Variants in RPS19 observed in about 807,000 individuals in gnomAD.
The protein encoded by RPS19 is small ribosomal subunit protein eS19.
RPS19 carries 1 observed loss-of-function variant against 20.3 expected under a neutral mutation model. That is an observed-to-expected ratio of 0.05 (90% CI 0.02 to 0.23). RPS19 has a LOEUF of 0.23. RPS19 is among the 10% of genes least tolerant of loss of function. RPS19 has a pLI of 1.00. For synonymous variants in RPS19, 87 were observed against 74.8 expected (o/e 1.16, Z -0.84); for missense variants, 111 against 192.7 (o/e 0.58, Z 2.51).
chr19:41,872,598 AAG>A lies in RPS19; in HGVS notation c.*1224_*1225del, dbSNP rs1182615994. The A allele has an allele frequency of 5.3e-5, 8 of 152,268 alleles. No homozygotes were observed. The highest frequency in any genetic ancestry group is 1.9e-4 in the African/African-American group (8 of 41,450). The allele number at this position is 152,268 out of a possible 1,614,324, so 9.4% of individuals were successfully genotyped here. A position where few individuals can be genotyped will look rare whatever the true frequency, so the allele number is the denominator to read the frequency against. The stretch of plus-strand genomic sequence containing the variant: ...TTGGCAGTCCCCAAACGTAAGGCGT[AAG>A]AGTTTAAGAAGTATCGGCCAGGCAC... On this transcript the variant is annotated 3_prime_UTR_variant, in exon 6 of 6. Coordinates refer to ENST00000598742, the MANE Select transcript of RPS19 (RefSeq NM_001022.4).
At chr19:41,865,718 G>A (rs1415992565) in intron 3 of RPS19, among the ~76,000 whole-genome samples, 1 of 151,984 alleles carries the variant, frequency 6.6e-6, no homozygotes, top group African/African-American at 2.4e-5. Flanking sequence ...GGAGGCCGAG[G>A]CGGGCGGATC....
chr19:41,862,123 G>A (rs1467089511), intron 3 of RPS19, among the ~76,000 whole-genome samples: 1 of 152,194 alleles, frequency 6.6e-6, no homozygotes, highest in Non-Finnish European at 1.5e-5. Context: ...CTCCAGATAA[G>A]AAGTAGGTGG....
At position 41,871,626 on chromosome 19, in the gene RPS19, C is replaced by CG; in HGVS notation, c.*250dup. On this transcript the variant is annotated 3_prime_UTR_variant, in exon 6 of 6. Transcript: ENST00000598742. ...GTTCTTCAGGGGCATGAGGAAGAGG[C>CG]GCTTCCTCCCTTCCCTTGGGTGAGG... 1 of 501,102 alleles carries CG rather than the reference C, an allele frequency of 2.0e-6. No individual in the cohort carries two copies. The highest frequency in any genetic ancestry group is 2.1e-5 in the South Asian group (1 of 47,196). 31.0% of individuals were successfully genotyped at this position (501,102 alleles called of 1,614,324 possible).
At chr19:41,866,354 G>A (rs1555840514) in intron 3 of RPS19, among the ~76,000 whole-genome samples, 2 of 152,244 alleles carry the variant, frequency 1.3e-5, no homozygotes, top group Admixed American at 1.3e-4. Flanking sequence ...CAGAGCCCCA[G>A]GGCACAACCA....
chr19:41,863,892 G>C (rs1432955682), intron 3 of RPS19: 1 of 149,842 alleles, frequency 6.7e-6, no homozygotes, highest in Non-Finnish European at 1.5e-5. Context: ...CACCAGGCTG[G>C]AGTACACTGG....
chr19:41,861,241 G>A (rs782106116), intron 3 of RPS19, 29 bp downstream of exon 3: 3 of 1,546,790 alleles, frequency 1.9e-6, no homozygotes, highest in Non-Finnish European at 1.8e-6. Flanking sequence ...TGGCTGGAGA[G>A]TGGGGAGCTG....
chr19:41,870,373 C>T (rs1272745703), intron 5 of RPS19, among the ~76,000 whole-genome samples: 5 of 152,150 alleles, frequency 3.3e-5, no homozygotes, highest in African/African-American at 4.8e-5. Context: ...AGTCCTCATG[C>T]GTACTGAGCA....
At chr19:41,867,266 CAAA>C (rs113748599) in intron 3 of RPS19, among the ~76,000 whole-genome samples, 2 of 128,030 alleles carry the variant, frequency 1.6e-5, no homozygotes, top group East Asian at 2.3e-4. Flanking sequence ...GCCCTGTCTC[CAAA>C]AAAAAAAAAA....
intron 3 of RPS19, among the ~76,000 whole-genome samples, chr19:41,862,635 ATTTT>A (rs35133385): frequency 5.5e-5 from 8 of 144,614 alleles, no homozygotes; most frequent in African/African-American, 1.8e-4. Flanking sequence ...TGTCTTGTAC[ATTTT>A]TTTTTTTTTT....
At chr19:41,863,028 A>G (rs1443379389) in intron 3 of RPS19, among the ~76,000 whole-genome samples, 5 of 151,968 alleles carry the variant, frequency 3.3e-5, no homozygotes, top group Admixed American at 2.6e-4. Flanking sequence ...CTGACCCTTT[A>G]TTATTTATTT....
chr19:41,865,949 T>A (rs797039740), intron 3 of RPS19, among the ~76,000 whole-genome samples: 2,869 of 74,516 alleles, frequency 0.039, 148 homozygotes, highest in African/African-American at 0.13. Context: ...ACTCCGTCTT[T>A]AAAAAAAAAA....
Position 41,870,848 on chromosome 19 carries a change from C to CTTTTTTTTTTTTTTTTTTT in RPS19, c.412-503_412-502insTTTTTTTTTTTTTTTTTTT, listed in dbSNP as rs2074139987. Among the ~76,000 whole-genome samples the CTTTTTTTTTTTTTTTTTTT allele has an allele frequency of 1.9e-4, 16 of 85,810 alleles. 6 individuals are homozygous for CTTTTTTTTTTTTTTTTTTT. The highest frequency in any genetic ancestry group is 2.2e-4 in the African/African-American group (5 of 22,594). The allele number at this position is 85,810 out of a possible 152,430, so 56.3% of individuals were successfully genotyped here. ...TTGGACTCCACTCCGCCACTCCCTT[C>CTTTTTTTTTTTTTTTTTTT]CTTTTTTTTTTTTTTTTTTTTTTTT... On this transcript the variant is annotated intron_variant, in intron 5 of 5. Coordinates refer to ENST00000598742, the MANE Select transcript of RPS19 (RefSeq NM_001022.4).
intron 3 of RPS19, among the ~76,000 whole-genome samples, chr19:41,866,556 T>C (rs2074092082): frequency 6.6e-6 from 1 of 151,838 alleles, no homozygotes; most frequent in Admixed American, 6.6e-5. Flanking sequence ...TGGAGTGAGG[T>C]GGGGATTTTA....
Position 41,869,203 on chromosome 19 carries a change from G to T in RPS19, c.345G>T (p.Lys115Asn). Residue 115 changes from lysine (K) to asparagine (N), a missense_variant, in exon 4 of 6, where the codon AAG becomes AAT. Coordinates refer to ENST00000598742, the MANE Select transcript of RPS19 (RefSeq NM_001022.4). ...QALEGLKMVE[K>N]DQDGGRKLTP... is the part of the protein sequence containing the mutation. ...TGGAGGGGCTGAAAATGGTGGAAAAGGACCAAGATGGGTAAGCAGGGTAGA... is the reference window on the plus strand; with the variant it reads ...TGGAGGGGCTGAAAATGGTGGAAAATGACCAAGATGGGTAAGCAGGGTAGA... 1 of 1,613,440 alleles carries T rather than the reference G, an allele frequency of 6.2e-7. No homozygotes were observed. The highest frequency in any genetic ancestry group is 8.5e-7 in the Non-Finnish European group (1 of 1,179,782).
intron 3 of RPS19, among the ~76,000 whole-genome samples, chr19:41,868,613 G>A (rs2074112813): frequency 6.6e-6 from 1 of 152,148 alleles, no homozygotes; most frequent in African/African-American, 2.4e-5. Flanking sequence ...GGCACCCACT[G>A]CACAGAGTGT....
chr19:41,866,259 A>T (rs2074088954), intron 3 of RPS19, among the ~76,000 whole-genome samples: 1 of 152,174 alleles, frequency 6.6e-6, no homozygotes. Flanking sequence ...TCTCAAAAAA[A>T]AAATAAAGCA....
rs2074016385 is a variant in RPS19, at chr19:41,860,495, G to A, written c.-1+206G>A. On this transcript the variant is annotated intron_variant, in intron 1 of 5. Transcript: ENST00000598742. ...GTGGGCCCCGGGGGGCAGCGGCGGG[G>A]TGCGTGGGGCGTCCGGAGTCCCGGG... 2 of 493,312 alleles carry A rather than the reference G, an allele frequency of 4.1e-6. 1 individual carries two copies. Among genetic ancestry groups the A allele is most frequent in the East Asian group, 7.5e-5 (2 of 26,620 alleles). The allele number at this position is 493,312 out of a possible 1,614,324, so 30.6% of individuals were successfully genotyped here.
chr19:41,860,536 C>G, intron 1 of RPS19: 2 of 561,668 alleles, frequency 3.6e-6, no homozygotes, highest in Non-Finnish European at 6.4e-6. Flanking sequence ...GGAGTGGGGT[C>G]GCGCAGGATC....
At position 41,861,205 on chromosome 19, in the gene RPS19, G is replaced by A; in HGVS notation, c.165G>A (p.Thr55=). 1 of 1,613,082 alleles carries A rather than the reference G, an allele frequency of 6.2e-7. No homozygotes were observed. The highest frequency in any genetic ancestry group is 8.5e-7 in the Non-Finnish European group (1 of 1,179,078). Residue 55 remains threonine (T), a synonymous_variant, in exon 3 of 6, where the codon ACG becomes ACA. Coordinates refer to ENST00000598742, the MANE Select transcript of RPS19 (RefSeq NM_001022.4). ...LAPYDENWFY[T]RAASTARHLY... ...CCTACGATGAGAACTGGTTCTACAC[G>A]CGAGCTGGTGAGGAACTTAGGTCTT...
Sources: allele counts gnomAD v4.1 joint callset (sites outside exome capture counted in the v4.1 genomes callset), GRCh38; gene constraint gnomAD v4.1.1; transcripts MANE v1.5; gene names NCBI Gene and HGNC (gene_info 2026-07-23, HGNC 2026-07-21).